Variants in CDH6 observed in about 807,000 individuals in gnomAD.
The protein encoded by CDH6 is cadherin 6.
Under a neutral mutation model 78.0 loss-of-function variants are expected in CDH6, and 31 were observed. The ratio of observed to expected loss-of-function variants is 0.40; its 90% CI spans 0.30 to 0.54. The LOEUF (loss-of-function observed/expected upper bound fraction) is 0.54. CDH6 is among the 20% of genes least tolerant of loss of function. The pLI is 0.56. For missense variants in CDH6, 724 were observed against 975.9 expected, an observed-to-expected ratio of 0.74 and a Z score of 3.44; for synonymous variants, 376 against 368.8, an observed-to-expected ratio of 1.02 and a Z score of -0.23.
At chr5:31,279,498 G>A (rs912718308) in intron 2 of CDH6, among the ~76,000 whole-genome samples, 2 of 152,144 alleles carry the variant, frequency 1.3e-5, no homozygotes, top group African/African-American at 2.4e-5. Flanking sequence ...TTGAGACCAG[G>A]AGGTCAAGAC....
intron 7 of CDH6, among the ~76,000 whole-genome samples, chr5:31,306,076 A>T (rs2149954332): frequency 6.6e-6 from 1 of 152,318 alleles, no homozygotes; most frequent in African/African-American, 2.4e-5. Flanking sequence ...AGATTTGTCA[A>T]AGAGTGGCAT....
chr5:31,226,359 G>A (rs984202167), intron 1 of CDH6, among the ~76,000 whole-genome samples: 1 of 152,124 alleles, frequency 6.6e-6, no homozygotes, highest in Non-Finnish European at 1.5e-5. Flanking sequence ...ATTTTTAATA[G>A]AGACGAGGTT....
chr5:31,222,635 AC>A (rs1741034147), intron 1 of CDH6, among the ~76,000 whole-genome samples: 1 of 152,160 alleles, frequency 6.6e-6, no homozygotes. Flanking sequence ...TATCTATAAA[AC>A]ATAAGTATAT....
At chr5:31,299,803 C>T (rs552235433) in intron 5 of CDH6, among the ~76,000 whole-genome samples, 172 bp downstream of exon 5, 1 of 152,284 alleles carries the variant, frequency 6.6e-6, no homozygotes, top group South Asian at 2.1e-4. Flanking sequence ...GAAATGTGAA[C>T]ATTTATGTTC....
intron 2 of CDH6, among the ~76,000 whole-genome samples, chr5:31,270,823 C>T (rs1280639615): frequency 2.0e-5 from 3 of 152,082 alleles, no homozygotes; most frequent in Non-Finnish European, 2.9e-5. Context: ...CAACTCCCAA[C>T]TAGCTGAGAC....
intron 1 of CDH6, among the ~76,000 whole-genome samples, chr5:31,211,443 C>CT (rs1314843190): frequency 6.6e-6 from 1 of 151,146 alleles, no homozygotes; most frequent in East Asian, 1.9e-4. Flanking sequence ...AAACAGTTTT[C>CT]TTTTTTCTTT....
chr5:31,239,887 T>C (rs1441943310), intron 1 of CDH6, among the ~76,000 whole-genome samples: 1 of 152,176 alleles, frequency 6.6e-6, no homozygotes, highest in Non-Finnish European at 1.5e-5. Context: ...CTCTCTCTAG[T>C]CTAGGAAAAA....
intron 7 of CDH6, among the ~76,000 whole-genome samples, chr5:31,311,634 T>C (rs1020670987): frequency 2.0e-5 from 3 of 152,224 alleles, no homozygotes; most frequent in African/African-American, 7.2e-5. Flanking sequence ...AGAGGCTTAA[T>C]TGACTCACAG....
At chr5:31,266,362 G>T (rs1742354427) in intron 1 of CDH6, among the ~76,000 whole-genome samples, 1 of 152,070 alleles carries the variant, frequency 6.6e-6, no homozygotes, top group African/African-American at 2.4e-5. Flanking sequence ...ACAGTTGATG[G>T]CCCTCACTGG....
At chr5:31,240,660 C>T (rs1484369005) in intron 1 of CDH6, among the ~76,000 whole-genome samples, 3 of 152,162 alleles carry the variant, frequency 2.0e-5, no homozygotes, top group African/African-American at 7.2e-5. Context: ...TTTATTTATT[C>T]ATTTATGAAT....
At chr5:31,299,429 G>A (rs377623496) in intron 4 of CDH6, 35 bp from the exon 5 acceptor site, 184 of 1,534,952 alleles carry the variant, frequency 1.2e-4, no homozygotes, top group Admixed American at 8.4e-4. Context: ...TATTCTTAAT[G>A]CATCCCTTTG....
At chr5:31,276,690 G>GT (rs1206171261) in intron 2 of CDH6, among the ~76,000 whole-genome samples, 1 of 152,164 alleles carries the variant, frequency 6.6e-6, no homozygotes, top group Non-Finnish European at 1.5e-5. Context: ...GCTAGAGAGT[G>GT]TAAGTCCATA....
intron 2 of CDH6, among the ~76,000 whole-genome samples, chr5:31,278,589 A>C (rs1561054940): frequency 6.6e-6 from 1 of 152,224 alleles, no homozygotes; most frequent in Non-Finnish European, 1.5e-5. Context: ...AAGAAGCTAC[A>C]TTGTACAGAC....
At chr5:31,299,781 G>A in intron 5 of CDH6, 150 bp downstream of exon 5, 3 of 642,230 alleles carry the variant, frequency 4.7e-6, no homozygotes, top group Non-Finnish European at 5.4e-6. Flanking sequence ...TGACAACATG[G>A]CATACACTCA....
intron 1 of CDH6, among the ~76,000 whole-genome samples, chr5:31,263,297 C>T (rs187597435): frequency 1.5e-3 from 220 of 147,652 alleles, no homozygotes; most frequent in Non-Finnish European, 2.8e-3. Context: ...TTGCTCTTGT[C>T]GCCCAGGCTG....
At chr5:31,202,504 G>A (rs1012915931) in intron 1 of CDH6, among the ~76,000 whole-genome samples, 1 of 151,926 alleles carries the variant, frequency 6.6e-6, no homozygotes, top group Non-Finnish European at 1.5e-5. Context: ...AGATATGGTG[G>A]CAGGCACCTA....
chr5:31,324,571 G>A lies in CDH6; in HGVS notation c.*1263G>A, dbSNP rs1561076897. On this transcript the variant is annotated 3_prime_UTR_variant, in exon 12 of 12. Coordinates refer to ENST00000265071, the MANE Select transcript of CDH6 (RefSeq NM_004932.4). ...GTTTAAGATTGTAATTAAAATGATA[G>A]TTGATTTTCAAAAGCATTAATTTTT... The A allele has an allele frequency of 4.7e-6, 1 of 211,186 alleles. No individual in the cohort carries two copies. Among genetic ancestry groups the A allele is most frequent in the East Asian group, 7.2e-5 (1 of 13,890 alleles). The allele number at this position is 211,186 out of a possible 1,614,324, so 13.1% of individuals were successfully genotyped here.
chr5:31,221,422 C>A (rs1741001252), intron 1 of CDH6, among the ~76,000 whole-genome samples: 1 of 152,082 alleles, frequency 6.6e-6, no homozygotes, highest in Admixed American at 6.5e-5. Context: ...CGCAACAGCT[C>A]CAAGTAATGG....
Position 31,267,567 on chromosome 5 carries a change from C to A in CDH6, c.94C>A (p.Pro32Thr), listed in dbSNP as rs373660848. The change falls in exon 2 of 12, where the codon CCA becomes ACA. Residue 32 changes from proline to threonine, a missense_variant. Pro to Thr is a conservative substitution (Grantham distance 38). Coordinates refer to ENST00000265071, the MANE Select transcript of CDH6 (RefSeq NM_004932.4). Reference sequence around the variant, plus strand: ...ACTATCAAAGAGGACTAGTGGTTTCCCAGCAAAGAAAAGGGCCCTGGAGCT... The same window carrying A: ...ACTATCAAAGAGGACTAGTGGTTTCACAGCAAAGAAAAGGGCCCTGGAGCT... ...TPLSKRTSGFPAKKRALELSG... is the reference protein window; with the variant it reads ...TPLSKRTSGFTAKKRALELSG... The A allele has an allele frequency of 3.1e-6, 5 of 1,613,886 alleles. No individual in the cohort carries two copies. The highest frequency in any genetic ancestry group is 4.2e-6 in the Non-Finnish European group (5 of 1,180,022).
Sources: gnomAD v4.1 joint callset for allele counts (sites outside exome capture counted in the v4.1 genomes callset) on GRCh38, gnomAD v4.1.1 for gene constraint, MANE v1.5 for transcripts, NCBI Gene and HGNC (gene_info 2026-07-23, HGNC 2026-07-21) for gene names.